The following DNAH11 variants were observed in gnomAD, a reference collection of about 807,000 sequenced individuals.
The protein encoded by DNAH11 is axonemal beta dynein heavy chain 11.
DNAH11 carries 442 observed loss-of-function variants against 526.0 expected under a neutral mutation model. The observed-to-expected ratio is 0.84, with a 90% CI of 0.78 to 0.91. DNAH11 has a LOEUF of 0.91. DNAH11 is among the 40% of genes least tolerant of loss of function. The pLI, the probability that DNAH11 is intolerant of heterozygous loss-of-function variation, is 0.00. For synonymous variants in DNAH11, 2,461 were observed against 1,935.9 expected (o/e 1.27, Z -7.12); for missense variants, 6,989 against 5,448.7 (o/e 1.28, Z -8.90).
At chr7:21,599,733 T>C in intron 14 of DNAH11, 54 bp from the exon 15 acceptor site, 1 of 1,319,584 alleles carries the variant, frequency 7.6e-7, no homozygotes, top group South Asian at 1.8e-5. Flanking sequence ...AGAGTTTTAG[T>C]TTTTATGCTA....
At chr7:21,828,961 G>C (rs920887741) in intron 65 of DNAH11, among the ~76,000 whole-genome samples, 1 of 151,994 alleles carries the variant, frequency 6.6e-6, no homozygotes, top group Non-Finnish European at 1.5e-5. Context: ...TGAGCGTCTT[G>C]CCAGCTGTGC....
intron 8 of DNAH11, among the ~76,000 whole-genome samples, chr7:21,581,326 G>A (rs1562677003): frequency 6.6e-6 from 1 of 152,170 alleles, no homozygotes; most frequent in Non-Finnish European, 1.5e-5. Context: ...GAAACTGAGG[G>A]ATGCTAAACG....
intron 48 of DNAH11, among the ~76,000 whole-genome samples, chr7:21,740,361 C>T (rs76112503): frequency 0.049 from 7,391 of 152,230 alleles, 258 homozygotes; most frequent in East Asian, 0.2. Flanking sequence ...ACTGAAACTC[C>T]ACCCACTGAG....
intron 28 of DNAH11, among the ~76,000 whole-genome samples, chr7:21,642,809 C>T (rs1787186435): frequency 6.6e-6 from 1 of 152,000 alleles, no homozygotes; most frequent in Non-Finnish European, 1.5e-5. Context: ...CCAGGGAGGT[C>T]TGATAACCAC....
rs745730632 is a variant in DNAH11, at chr7:21,878,199, T to C, written c.12196-2503T>C. Among the ~76,000 whole-genome samples the C allele has an allele frequency of 1.5e-4, 23 of 152,232 alleles. 1 individual carries two copies. The highest frequency in any genetic ancestry group is 7.3e-5 in the Non-Finnish European group (5 of 68,036). ...TGGAATGGTAGGTAGACTCATACCT[T>C]TTCTTCAGAAAGCCTGATTCATATT... On this transcript the variant is annotated intron_variant, in intron 74 of 81. Coordinates refer to ENST00000409508, the MANE Select transcript of DNAH11 (RefSeq NM_001277115.2).
rs1363711884 is a variant in DNAH11, at chr7:21,655,802, T to C, written c.4945-30T>C. ...CAGAATATACCTACAGTAAGAAATG[T>C]TCTTATCTTTTCTAATATTCTCATT... On this transcript the variant is annotated intron_variant, in intron 28 of 81. Coordinates refer to ENST00000409508, the MANE Select transcript of DNAH11 (RefSeq NM_001277115.2). 3.8e-6 allele frequency: 6 copies of C among 1,596,744 alleles called. No individual in the cohort carries two copies. The Admixed American group carries it at 8.6e-5, about 23-fold the overall frequency.
At chr7:21,599,015 C>A (rs1270185445) in intron 14 of DNAH11, among the ~76,000 whole-genome samples, 1 of 152,098 alleles carries the variant, frequency 6.6e-6, no homozygotes, top group African/African-American at 2.4e-5. Context: ...GATTCCATGT[C>A]TTTGCTATTG....
At chr7:21,590,654 G>T (rs533346695) in intron 12 of DNAH11, among the ~76,000 whole-genome samples, 1 of 152,042 alleles carries the variant, frequency 6.6e-6, no homozygotes, top group Non-Finnish European at 1.5e-5. Context: ...AGTTAACTGA[G>T]GATTCGTTCT....
intron 25 of DNAH11, among the ~76,000 whole-genome samples, chr7:21,632,754 C>T (rs1042557858): frequency 6.6e-6 from 1 of 152,172 alleles, no homozygotes; most frequent in African/African-American, 2.4e-5. Context: ...TCCAAACTTT[C>T]CCACATTTTC....
chr7:21,693,017 A>G (rs574826480), intron 35 of DNAH11, among the ~76,000 whole-genome samples: 1 of 152,182 alleles, frequency 6.6e-6, no homozygotes, highest in Non-Finnish European at 1.5e-5. Context: ...TTAGATACAT[A>G]CATTGCAAAT....
intron 65 of DNAH11, among the ~76,000 whole-genome samples, chr7:21,821,515 G>A (rs1562566199): frequency 6.6e-6 from 1 of 152,028 alleles, no homozygotes; most frequent in Non-Finnish European, 1.5e-5. Flanking sequence ...ATACCTTATC[G>A]CTATATGAAG....
At chr7:21,745,116 C>T in intron 51 of DNAH11, 53 bp downstream of exon 51, 3 of 1,526,394 alleles carry the variant, frequency 2.0e-6, no homozygotes, top group Admixed American at 1.9e-5. Flanking sequence ...GGCTGGATAT[C>T]CACTACTGTC....
chr7:21,568,726 A>T (rs897992387), intron 6 of DNAH11, among the ~76,000 whole-genome samples: 1 of 152,208 alleles, frequency 6.6e-6, no homozygotes, highest in Non-Finnish European at 1.5e-5. Context: ...GTTACTTTAC[A>T]TACAAGTAAT....
intron 2 of DNAH11, among the ~76,000 whole-genome samples, chr7:21,556,908 A>T (rs1783242576): frequency 6.6e-6 from 1 of 152,078 alleles, no homozygotes; most frequent in Non-Finnish European, 1.5e-5. Flanking sequence ...CTAAAATACG[A>T]AAACTAGCTG....
In DNAH11 at chr7:21,599,927, A is replaced by G. The variant is rs2128446598; in HGVS notation, c.2808A>G (p.Lys936=). 1 of 1,613,740 alleles carries G rather than the reference A, an allele frequency of 6.2e-7. No individual in the cohort carries two copies. The highest frequency in any genetic ancestry group is 8.5e-7 in the Non-Finnish European group (1 of 1,179,786). ...DLDFFLKNTE[K]QLKPAPFFQA... ...ACTTCTTTCTGAAGAATACAGAGAA[A>G]CAATTGAAACCGGCACCGTTTTTTC... The change falls in exon 15 of 82, where the codon AAA becomes AAG. Residue 936 remains lysine (K), a synonymous_variant. Coordinates refer to ENST00000409508, the MANE Select transcript of DNAH11 (RefSeq NM_001277115.2).
intron 57 of DNAH11, among the ~76,000 whole-genome samples, chr7:21,780,319 A>T (rs1583687257): frequency 6.6e-6 from 1 of 152,152 alleles, no homozygotes; most frequent in African/African-American, 2.4e-5. Flanking sequence ...CAGAGGCAGG[A>T]GGATAGCTTC....
chr7:21,693,375 C>T (rs1783710822), intron 35 of DNAH11, among the ~76,000 whole-genome samples: 1 of 152,180 alleles, frequency 6.6e-6, no homozygotes, highest in South Asian at 2.1e-4. Context: ...CAATATGACA[C>T]TCTTTTGTTA....
chr7:21,763,764 C>T (rs1194211320), intron 54 of DNAH11, among the ~76,000 whole-genome samples: 2 of 146,670 alleles, frequency 1.4e-5, no homozygotes, highest in Admixed American at 7.1e-5. Flanking sequence ...AAATGTCCAT[C>T]AACAGGCAAC....
chr7:21,553,473 G>C (rs1172436758), intron 2 of DNAH11, among the ~76,000 whole-genome samples: 1 of 152,094 alleles, frequency 6.6e-6, no homozygotes, highest in Non-Finnish European at 1.5e-5. Flanking sequence ...ATCCACACCA[G>C]TATCAACCAA....
Sources: allele counts gnomAD v4.1 joint callset (sites outside exome capture counted in the v4.1 genomes callset), GRCh38; gene constraint gnomAD v4.1.1; transcripts MANE v1.5; gene names NCBI Gene and HGNC (gene_info 2026-07-23, HGNC 2026-07-21).